DYSF: variants seen among roughly 807,000 people sequenced by gnomAD.
The protein encoded by DYSF is dystrophy-associated fer-1-like 1.
A neutral mutation model predicts 274.9 loss-of-function variants in DYSF; 212 were observed. The ratio of observed to expected loss-of-function variants is 0.77; its 90% CI spans 0.69 to 0.86. DYSF has a LOEUF of 0.86. Ranked by LOEUF, DYSF falls within the 40% of genes least tolerant of loss-of-function variation. The pLI is 0.00. For missense variants in DYSF, 2,666 were observed against 2,783.2 expected, an observed-to-expected ratio of 0.96 and a Z score of 0.95; for synonymous variants, 1,091 against 1,078.7, an observed-to-expected ratio of 1.01 and a Z score of -0.22.
At position 71,633,783 on chromosome 2, in the gene DYSF, CA is replaced by C. The variant is rs1201776526; in HGVS notation, c.4528-10181del. ...AACCTCGGTGACAAATGGATTTGAC[CA>C]GAAATTTTTCTCTTTGATCCAACTG... is the stretch of plus-strand genomic sequence containing the variant. On this transcript the variant is annotated intron_variant, in intron 41 of 55. Coordinates refer to ENST00000410020, the MANE Select transcript of DYSF (RefSeq NM_001130987.2). Among the ~76,000 whole-genome samples, 5 of 152,136 alleles carry C rather than the reference CA, an allele frequency of 3.3e-5. No individual in the cohort carries two copies. The South Asian group carries it at 8.3e-4, about 25-fold the overall frequency.
intron 2 of DYSF, among the ~76,000 whole-genome samples, chr2:71,481,351 A>C (rs539162991): frequency 1.3e-5 from 2 of 152,308 alleles, no homozygotes; most frequent in Admixed American, 1.3e-4. Context: ...AGCTCCCTGC[A>C]TACATGGCTC....
chr2:71,513,505 G>C (rs1434370662), intron 6 of DYSF, among the ~76,000 whole-genome samples, 173 bp downstream of exon 6: 1 of 152,208 alleles, frequency 6.6e-6, no homozygotes. Context: ...TAACTGGACT[G>C]ACTGCCCTCA....
intron 24 of DYSF, 33 bp downstream of exon 24, chr2:71,564,246 A>T: frequency 6.2e-7 from 1 of 1,613,818 alleles, no homozygotes; most frequent in Non-Finnish European, 8.5e-7. Flanking sequence ...TCATGATCGT[A>T]TTTTTCCCAA....
Position 71,466,914 on chromosome 2 carries a change from C to A in DYSF, c.72C>A (p.Val24=). Residue 24 remains valine, a synonymous_variant, in exon 1 of 56, where the codon GTC becomes GTA. Coordinates refer to ENST00000410020, the MANE Select transcript of DYSF (RefSeq NM_001130987.2). The part of the protein sequence containing the change: ...SAKKDRRSDP[V]ASLTFRGVKK... ...AGAAGGACCGGCGCAGCGACCCTGT[C>A]GCAAGCCTGACTTTCCGAGGTGAGA... 1 of 1,550,064 alleles carries A rather than the reference C, an allele frequency of 6.5e-7. No individual in the cohort carries two copies. The highest frequency in any genetic ancestry group is 8.7e-7 in the Non-Finnish European group (1 of 1,145,874).
chr2:71,499,746 C>A (rs1405724252), intron 3 of DYSF, among the ~76,000 whole-genome samples: 1 of 151,982 alleles, frequency 6.6e-6, no homozygotes, highest in East Asian at 1.9e-4. Context: ...CTCTTTCGGT[C>A]CCCACACTTC....
intron 2 of DYSF, among the ~76,000 whole-genome samples, chr2:71,481,545 G>A (rs965408269): frequency 6.6e-6 from 1 of 152,336 alleles, no homozygotes. Flanking sequence ...AGGGTCACCT[G>A]GCTTTTTCCC....
In DYSF at chr2:71,607,087, A is replaced by C. The variant is rs17583440; in HGVS notation, c.3958-4158A>C. ...TGAACACGTGGAGATAGCATGGGTG[A>C]TGGATTGATGTGTCTTTCTATGGGA... On this transcript the variant is annotated intron_variant, in intron 36 of 55. Coordinates refer to ENST00000410020, the MANE Select transcript of DYSF (RefSeq NM_001130987.2). Among the ~76,000 whole-genome samples, 1,056 of 152,334 alleles carry C rather than the reference A, an allele frequency of 6.9e-3. 27 individuals are homozygous for C. Among genetic ancestry groups the C allele is most frequent in the East Asian group, 0.045 (233 of 5,194 alleles).
chr2:71,621,049 G>C (rs1236487396), intron 41 of DYSF, among the ~76,000 whole-genome samples: 1 of 152,120 alleles, frequency 6.6e-6, no homozygotes, highest in Non-Finnish European at 1.5e-5. Flanking sequence ...GGCCCCTCGG[G>C]TGCTAAGAGG....
intron 18 of DYSF, 71 bp downstream of exon 18, chr2:71,551,227 T>C: frequency 6.6e-7 from 1 of 1,510,902 alleles, no homozygotes; most frequent in Non-Finnish European, 9.2e-7. Flanking sequence ...CAGGCCTGCA[T>C]GCAGGGTCTT....
chr2:71,471,334 G>A (rs1331215328), intron 1 of DYSF, among the ~76,000 whole-genome samples: 1 of 152,104 alleles, frequency 6.6e-6, no homozygotes, highest in Non-Finnish European at 1.5e-5. Flanking sequence ...TCAACTGGGG[G>A]CAGTTTTTTC....
chr2:71,555,097 A>G (rs1030764644), intron 21 of DYSF, among the ~76,000 whole-genome samples: 13 of 152,088 alleles, frequency 8.5e-5, no homozygotes, highest in Non-Finnish European at 1.9e-4. Flanking sequence ...AGAGAAGGGA[A>G]AGAGGCCATG....
chr2:71,492,531 G>A (rs1025542301), intron 3 of DYSF, among the ~76,000 whole-genome samples: 5 of 152,198 alleles, frequency 3.3e-5, no homozygotes, highest in African/African-American at 1.2e-4. Context: ...AATGAGAAAT[G>A]GATACATGGT....
chr2:71,650,762 C>G (rs981643662), intron 42 of DYSF, among the ~76,000 whole-genome samples: 5 of 152,036 alleles, frequency 3.3e-5, no homozygotes, highest in African/African-American at 1.2e-4. Flanking sequence ...ATTAAAAAAC[C>G]CTCTATTTTA....
chr2:71,607,280 T>C (rs2093664492), intron 36 of DYSF, among the ~76,000 whole-genome samples: 1 of 152,150 alleles, frequency 6.6e-6, no homozygotes, highest in Non-Finnish European at 1.5e-5. Context: ...TAAAAGAGCA[T>C]GGTGCCTCCT....
intron 52 of DYSF, among the ~76,000 whole-genome samples, chr2:71,678,038 G>A (rs955717903): frequency 3.3e-5 from 5 of 152,168 alleles, no homozygotes. Context: ...TCAGATTTCT[G>A]ATGCTTTTTG....
intron 51 of DYSF, among the ~76,000 whole-genome samples, chr2:71,670,728 C>T (rs1460683742): frequency 6.6e-6 from 1 of 152,224 alleles, no homozygotes; most frequent in African/African-American, 2.4e-5. Flanking sequence ...CAGCCAGCCT[C>T]TTCCTGGTAG....
rs146498307 is a variant in DYSF, at chr2:71,589,598, C to T, written c.3408C>T (p.Gly1136=). 91 of 1,613,972 alleles carry T rather than the reference C, an allele frequency of 5.6e-5. 1 individual carries two copies. The African/African-American group carries it at 8.7e-4, about 15-fold the overall frequency. Residue 1136 remains glycine, a synonymous_variant, in exon 31 of 56, where the codon GGC becomes GGT. Coordinates refer to ENST00000410020, the MANE Select transcript of DYSF (RefSeq NM_001130987.2). ...AVFALEGALG[G]VMDDKSEDSM... ...AACCAGCTTCGTGTCTCCAGGGCGG[C>T]GTGATGGATGACAAGAGTGAAGATT...
intron 36 of DYSF, among the ~76,000 whole-genome samples, chr2:71,609,322 G>A (rs1232715707): frequency 6.6e-6 from 1 of 152,202 alleles, no homozygotes; most frequent in African/African-American, 2.4e-5. Context: ...TGCATTGTGG[G>A]TCTGGAGGAA....
chr2:71,532,686 C>T (rs374077443), intron 14 of DYSF, among the ~76,000 whole-genome samples: 54 of 152,280 alleles, frequency 3.5e-4, no homozygotes, highest in South Asian at 1.0e-3. Context: ...CCGTGTGCAT[C>T]CTATGTGTGT....
Sources: allele counts gnomAD v4.1 joint callset (sites outside exome capture counted in the v4.1 genomes callset), GRCh38; gene constraint gnomAD v4.1.1; transcripts MANE v1.5; gene names NCBI Gene and HGNC (gene_info 2026-07-23, HGNC 2026-07-21).